The following COL4A4 variants were observed in gnomAD, a reference collection of about 807,000 sequenced individuals.
The protein encoded by COL4A4 is collagen alpha-4(IV) chain.
In COL4A4, 105 loss-of-function variants were observed where a neutral mutation model predicts 192.9. That is an observed-to-expected ratio of 0.54 (90% confidence interval 0.46 to 0.64). The LOEUF (loss-of-function observed/expected upper bound fraction) is 0.64. Ranked by LOEUF, COL4A4 falls within the 30% of genes least tolerant of loss-of-function variation. The pLI, the probability that COL4A4 is intolerant of heterozygous loss-of-function variation, is 0.00. For missense variants in COL4A4, 1,967 were observed against 2,169.3 expected, an observed-to-expected ratio of 0.91 and a Z score of 1.85; for synonymous variants, 762 against 769.9, an observed-to-expected ratio of 0.99 and a Z score of 0.17.
chr2:226,993,435 TA>T, the COL4A4 span, among the ~76,000 whole-genome samples: 1 of 152,214 alleles, frequency 6.6e-6, no homozygotes, highest in African/African-American at 2.4e-5. Context: ...CCAGTCTTTT[TA>T]AAAACAACTG....
Position 227,006,739 on chromosome 2 carries a change from GTT to G in COL4A4, c.*584_*585del, listed in dbSNP as rs1351161840. On this transcript the variant is annotated 3_prime_UTR_variant, in exon 48 of 48. Coordinates refer to ENST00000396625, the MANE Select transcript of COL4A4 (RefSeq NM_000092.5). The stretch of plus-strand genomic sequence containing the variant: ...GATTCATTCTCCTTTGAAAGGAACT[GTT>G]AACGCTGGCAGTGTGAATTTTTTTT... 6.5e-6 allele frequency: 1 copy of G among 154,140 alleles called. No homozygotes were observed. Among genetic ancestry groups the G allele is most frequent in the Non-Finnish European group, 1.4e-5 (1 of 70,478 alleles). 9.5% of individuals were successfully genotyped at this position (154,140 alleles called of 1,614,324 possible). A position where few individuals can be genotyped will look rare whatever the true frequency, so the allele number is the denominator to read the frequency against.
In COL4A4 at chr2:227,103,146, T is replaced by A. The variant is rs1370407423; in HGVS notation, c.868A>T (p.Lys290Ter). 1 of 1,610,176 alleles carries A rather than the reference T, an allele frequency of 6.2e-7. No homozygotes were observed. Among genetic ancestry groups the A allele is most frequent in the East Asian group, 2.2e-5 (1 of 44,858 alleles). The change falls in exon 14 of 48, where the codon AAG becomes TAG. Residue 290 changes from lysine (K) to a stop codon, truncating the protein, a stop_gained and splice_region_variant. Transcript: ENST00000396625. LOFTEE classifies it high-confidence loss of function. Reference sequence around the variant, plus strand: ...AAAAAGGTACTTAAATAAACTACCTTGCGTCCTGGTGGTCCTGGCAGTCCA... The same window carrying A: ...AAAAAGGTACTTAAATAAACTACCTAGCGTCCTGGTGGTCCTGGCAGTCCA... Reference protein sequence around the residue: ...MVGLPGPPGRKGESGIGAKGE... With the variant: ...MVGLPGPPGR
At chr2:227,033,962 C>T (rs890840379) in intron 37 of COL4A4, among the ~76,000 whole-genome samples, 14 of 152,208 alleles carry the variant, frequency 9.2e-5, no homozygotes, top group South Asian at 4.1e-4. Flanking sequence ...GGACGCATGG[C>T]GCCTGTGGCA....
intron 19 of COL4A4, among the ~76,000 whole-genome samples, chr2:227,096,390 C>T (rs563745178): frequency 1.3e-5 from 2 of 152,142 alleles, no homozygotes; most frequent in African/African-American, 2.4e-5. Context: ...AAATTTTTTC[C>T]GCAAGAGATA....
At chr2:227,077,831 A>C (rs1197406147) in intron 25 of COL4A4, 63 bp downstream of exon 25, 1 of 1,420,886 alleles carries the variant, frequency 7.0e-7, no homozygotes, top group Non-Finnish European at 9.7e-7. Flanking sequence ...ATTCTTCCAC[A>C]TAAGAAAAAT....
chr2:227,147,165 G>C (rs1264101354), intron 2 of COL4A4: 1 of 619,920 alleles, frequency 1.6e-6, no homozygotes, highest in Non-Finnish European at 3.0e-6. Flanking sequence ...GTGAGTAAGC[G>C]AGCAAGAATC....
chr2:227,073,687 T>C (rs1432813607), intron 25 of COL4A4, among the ~76,000 whole-genome samples: 1 of 151,974 alleles, frequency 6.6e-6, no homozygotes, highest in Middle Eastern at 3.2e-3. Flanking sequence ...GGTACTGTTG[T>C]AAAAGTAGGC....
At chr2:227,054,051 T>C (rs1279945561) in intron 31 of COL4A4, among the ~76,000 whole-genome samples, 1 of 152,202 alleles carries the variant, frequency 6.6e-6, no homozygotes, top group African/African-American at 2.4e-5. Flanking sequence ...AGGTAATATT[T>C]CATGGTGTGA....
chr2:227,072,591 A>G (rs1192616990), intron 25 of COL4A4, among the ~76,000 whole-genome samples: 1 of 151,890 alleles, frequency 6.6e-6, no homozygotes, highest in Non-Finnish European at 1.5e-5. Context: ...ACAGGAAAAG[A>G]TACACACACA....
rs746847071 is a variant in COL4A4 at position 227,014,063 on chromosome 2, C to G, written c.4217-1766G>C. Among the ~76,000 whole-genome samples the G allele has an allele frequency of 2.0e-5, 3 of 152,370 alleles. No homozygotes were observed. In the South Asian group the frequency reaches 6.2e-4, roughly 32 times the overall value. ...TTCCCACGCAGGCCCCTCCCTGCCC[C>G]TCTGCGGCCCCAGGTGAGGCCCCGA... On this transcript the variant is annotated intron_variant, in intron 44 of 47. Transcript: ENST00000396625.
intron 1 of COL4A4, among the ~76,000 whole-genome samples, chr2:227,157,017 G>A (rs1299082399): frequency 6.6e-6 from 1 of 152,064 alleles, no homozygotes; most frequent in East Asian, 1.9e-4. Flanking sequence ...ACTATACCAA[G>A]CCATAATAGT....
chr2:227,015,162 T>TA (rs1964610911), intron 44 of COL4A4, among the ~76,000 whole-genome samples: 1 of 152,104 alleles, frequency 6.6e-6, no homozygotes, highest in Admixed American at 6.6e-5. Flanking sequence ...CAGCCTCCCA[T>TA]AGTGCTGGGA....
intron 22 of COL4A4, among the ~76,000 whole-genome samples, chr2:227,083,884 C>T (rs972281819): frequency 2.6e-5 from 4 of 152,114 alleles, no homozygotes; most frequent in Non-Finnish European, 5.9e-5. Context: ...GTGGCATCAG[C>T]AATCATCAGG....
intron 15 of COL4A4, 88 bp from the exon 16 acceptor site, chr2:227,101,997 G>A: frequency 1.1e-6 from 1 of 932,892 alleles, no homozygotes. Context: ...TTATCAAATT[G>A]TTCCATGGAT....
intron 22 of COL4A4, among the ~76,000 whole-genome samples, chr2:227,087,947 T>A (rs981747832): frequency 1.3e-5 from 2 of 152,164 alleles, no homozygotes; most frequent in African/African-American, 4.8e-5. Flanking sequence ...TATCACCACA[T>A]GACATACTGG....
chr2:227,078,038 G>A lies in COL4A4; in HGVS notation c.1843C>T (p.Pro615Ser). ...TTGCCTGGGGGGCCCAGAGGTCCAG[G>A]AAATCCTTTACCACCTGGGGTCGCA... ...EDATPGGKGFPGPLGPPGKAG... is the reference protein window; with the variant it reads ...EDATPGGKGFSGPLGPPGKAG... Residue 615 changes from proline (P) to serine (S), a missense_variant, in exon 25 of 48, where the codon CCT (proline) becomes TCT (serine). Coordinates refer to ENST00000396625, the MANE Select transcript of COL4A4 (RefSeq NM_000092.5). 1.2e-6 allele frequency: 2 copies of A among 1,614,020 alleles called. No homozygotes were observed. Among genetic ancestry groups the A allele is most frequent in the Non-Finnish European group, 8.5e-7 (1 of 1,179,994 alleles).
chr2:227,060,311 T>G, intron 26 of COL4A4, 68 bp from the exon 27 acceptor site: 1 of 1,112,878 alleles, frequency 9.0e-7, no homozygotes, highest in Non-Finnish European at 1.4e-6. Flanking sequence ...AATGAGATGA[T>G]TTTCTTTAAG....
downstream of COL4A4, among the ~76,000 whole-genome samples, chr2:227,000,489 G>A (rs1256538530): frequency 1.3e-5 from 2 of 152,144 alleles, no homozygotes; most frequent in East Asian, 3.8e-4. Context: ...TTTCATCTGT[G>A]GCTGATAAAA....
At chr2:227,027,163 G>A (rs973788170) in intron 42 of COL4A4, among the ~76,000 whole-genome samples, 11 of 151,156 alleles carry the variant, frequency 7.3e-5, no homozygotes, top group Non-Finnish European at 1.5e-4. Context: ...GAGTCAGGTG[G>A]ATCACTTGAA....
Sources: gnomAD v4.1 joint callset for allele counts (sites outside exome capture counted in the v4.1 genomes callset) on GRCh38, gnomAD v4.1.1 for gene constraint, MANE v1.5 for transcripts, NCBI Gene and HGNC (gene_info 2026-07-23, HGNC 2026-07-21) for gene names.